MGAT4A: variants seen among roughly 807,000 people sequenced by gnomAD.
The protein encoded by MGAT4A is alpha-1,3-mannosyl-glycoprotein 4-beta-N-acetylglucosaminyltransferase A.
A neutral mutation model predicts 74.1 loss-of-function variants in MGAT4A; 33 were observed. The ratio of observed to expected loss-of-function variants is 0.45; its 90% CI spans 0.34 to 0.60. The LOEUF is 0.60. Ranked by LOEUF, MGAT4A falls within the 20% of genes least tolerant of loss-of-function variation. The pLI, the probability that MGAT4A is intolerant of heterozygous loss-of-function variation, is 0.02. For synonymous variants in MGAT4A, 198 were observed against 210.4 expected (o/e 0.94, Z 0.51); for missense variants, 479 against 628.3 (o/e 0.76, Z 2.54).
intron 4 of MGAT4A, among the ~76,000 whole-genome samples, chr2:98,669,021 A>C (rs1180865348): frequency 6.6e-6 from 1 of 152,146 alleles, no homozygotes; most frequent in Non-Finnish European, 1.5e-5. Flanking sequence ...TCATAGGTGG[A>C]AGGGACTTGC....
chr2:98,670,960 C>T (rs1701903336), intron 4 of MGAT4A, among the ~76,000 whole-genome samples: 1 of 152,160 alleles, frequency 6.6e-6, no homozygotes, highest in East Asian at 1.9e-4. Flanking sequence ...AAAATCACCT[C>T]CAAATTATCA....
intron 14 of MGAT4A, among the ~76,000 whole-genome samples, chr2:98,634,464 G>A (rs1416475720): frequency 6.6e-6 from 1 of 151,972 alleles, no homozygotes; most frequent in East Asian, 1.9e-4. Context: ...AGTCACAGAT[G>A]TGAAGGTGGG....
intron 10 of MGAT4A, among the ~76,000 whole-genome samples, chr2:98,643,524 C>T (rs1701442884): frequency 6.6e-6 from 1 of 152,082 alleles, no homozygotes; most frequent in Non-Finnish European, 1.5e-5. Context: ...TATTTTATTC[C>T]TCATTTACAG....
chr2:98,705,566 G>A (rs1247164074), intron 2 of MGAT4A, among the ~76,000 whole-genome samples: 1 of 152,198 alleles, frequency 6.6e-6, no homozygotes, highest in Admixed American at 6.5e-5. Flanking sequence ...CCTAGCTACA[G>A]AGGAAATTAA....
intron 1 of MGAT4A, 68 bp from the exon 2 acceptor site, chr2:98,726,635 T>A (rs989780252): frequency 2.9e-6 from 1 of 347,964 alleles, no homozygotes; most frequent in African/African-American, 2.1e-5. Context: ...TCATTTACTA[T>A]TCATCATTAT....
intron 4 of MGAT4A, among the ~76,000 whole-genome samples, chr2:98,673,218 C>G (rs898607934): frequency 2.0e-5 from 3 of 152,122 alleles, no homozygotes; most frequent in Admixed American, 6.5e-5. Flanking sequence ...AATGGCTTAG[C>G]TATTCTAAGT....
intron 4 of MGAT4A, among the ~76,000 whole-genome samples, chr2:98,668,790 C>T (rs527657945): frequency 6.6e-6 from 1 of 152,354 alleles, no homozygotes; most frequent in Non-Finnish European, 1.5e-5. Flanking sequence ...ACCATGGGAA[C>T]CCACCTCTTG....
intron 2 of MGAT4A, among the ~76,000 whole-genome samples, chr2:98,722,853 G>A (rs952809417): frequency 1.3e-5 from 2 of 152,082 alleles, no homozygotes; most frequent in African/African-American, 2.4e-5. Context: ...ACAGGGACCC[G>A]TGACTGCTTC....
At chr2:98,662,634 A>C (rs1249640236) in intron 5 of MGAT4A, among the ~76,000 whole-genome samples, 1 of 152,206 alleles carries the variant, frequency 6.6e-6, no homozygotes, top group Admixed American at 6.5e-5. Context: ...AAAATACAAG[A>C]AGTGTGGTAT....
Position 98,623,096 on chromosome 2 carries a change from C to T in MGAT4A, c.*2470G>A. On this transcript the variant is annotated 3_prime_UTR_variant, in exon 16 of 16. Coordinates refer to ENST00000393487, the MANE Select transcript of MGAT4A (RefSeq NM_012214.3). ...GGTCTCACATCCAGATGCTGACTGG[C>T]CACCTGCCACGTGCCTGGCACACAC... The T allele has an allele frequency of 1.0e-6, 1 of 985,458 alleles. No individual in the cohort carries two copies. The highest frequency in any genetic ancestry group is 1.2e-6 in the Non-Finnish European group (1 of 829,976). 61.0% of individuals were successfully genotyped at this position (985,458 alleles called of 1,614,324 possible).
At chr2:98,677,923 GCC>G (rs1234681752) in intron 3 of MGAT4A, among the ~76,000 whole-genome samples, 1 of 146,604 alleles carries the variant, frequency 6.8e-6, no homozygotes, top group Non-Finnish European at 1.5e-5. Context: ...AATTCCACAT[GCC>G]CCTTTGCAAA....
chr2:98,707,040 A>C (rs1205737537), intron 2 of MGAT4A, among the ~76,000 whole-genome samples: 1 of 152,020 alleles, frequency 6.6e-6, no homozygotes, highest in Non-Finnish European at 1.5e-5. Flanking sequence ...ACATGGTAAA[A>C]CTCCATCTCT....
chr2:98,663,220 G>A (rs1218647083), intron 4 of MGAT4A, 41 bp from the exon 5 acceptor site: 3 of 1,540,972 alleles, frequency 1.9e-6, no homozygotes, highest in African/African-American at 1.4e-5. Context: ...AACTGTACAA[G>A]GACAATACAG....
At position 98,624,138 on chromosome 2, in the gene MGAT4A, A is replaced by G. The variant is rs1469922044; in HGVS notation, c.*1428T>C. 11 of 655,460 alleles carry G rather than the reference A, an allele frequency of 1.7e-5. No homozygotes were observed. In the East Asian group the frequency reaches 4.1e-4, roughly 24 times the overall value. The allele number at this position is 655,460 out of a possible 1,614,324, so 40.6% of individuals were successfully genotyped here. A position where few individuals can be genotyped will look rare whatever the true frequency, so the allele number is the denominator to read the frequency against. On this transcript the variant is annotated 3_prime_UTR_variant, in exon 16 of 16. Coordinates refer to ENST00000393487, the MANE Select transcript of MGAT4A (RefSeq NM_012214.3). ...CGCCATTCTCCTGCCTCAGCCTCCC[A>G]AGTAGCTGGGATTACAGGCACCTGC...
chr2:98,648,700 C>A (rs1007699013), intron 8 of MGAT4A, among the ~76,000 whole-genome samples: 1 of 147,692 alleles, frequency 6.8e-6, no homozygotes, highest in African/African-American at 2.5e-5. Context: ...CCAGCCTTGG[C>A]AAGAGAGGAA....
At chr2:98,730,356 G>GA (rs1206436398) in intron 1 of MGAT4A, 1 of 152,226 alleles carries the variant, frequency 6.6e-6, no homozygotes, top group Non-Finnish European at 1.5e-5. Flanking sequence ...TGGAGTCACC[G>GA]AGACCCAGCC....
At chr2:98,702,294 CAGTG>C (rs1236826194) in intron 2 of MGAT4A, among the ~76,000 whole-genome samples, 1 of 152,176 alleles carries the variant, frequency 6.6e-6, no homozygotes, top group African/African-American at 2.4e-5. Context: ...GCAGTGTTGT[CAGTG>C]AGAGCAGCAA....
At chr2:98,645,405 G>A in intron 9 of MGAT4A, 23 bp downstream of exon 9, 1 of 1,460,624 alleles carries the variant, frequency 6.8e-7, no homozygotes, top group East Asian at 2.4e-5. Context: ...ATGAAAAGTA[G>A]GTAAGTGTGA....
intron 2 of MGAT4A, 81 bp downstream of exon 2, chr2:98,726,146 ATTGCCAGGGTAT>A: frequency 3.8e-6 from 3 of 779,786 alleles, no homozygotes; most frequent in Non-Finnish European, 4.1e-6. Context: ...TAACATGCAG[ATTGCCAGGGTAT>A]TTGACCTAAG....
Sources: allele counts gnomAD v4.1 joint callset (sites outside exome capture counted in the v4.1 genomes callset), GRCh38; gene constraint gnomAD v4.1.1; transcripts MANE v1.5; gene names NCBI Gene and HGNC (gene_info 2026-07-23, HGNC 2026-07-21).